The following TTLL9 variants were observed in gnomAD, a reference collection of about 807,000 sequenced individuals.
TTLL9 encodes probable tubulin polyglutamylase TTLL9.
In TTLL9, 47 loss-of-function variants were observed where a neutral mutation model predicts 65.6. That is an observed-to-expected ratio of 0.72 (90% CI 0.57 to 0.91). The LOEUF (loss-of-function observed/expected upper bound fraction) is 0.91, where lower values mean the gene tolerates loss of function less well. Ranked by LOEUF, TTLL9 falls within the 40% of genes least tolerant of loss-of-function variation. The pLI is 0.00. For missense variants in TTLL9, 537 were observed against 568.8 expected, an observed-to-expected ratio of 0.94 and a Z score of 0.57; for synonymous variants, 179 against 204.8, an observed-to-expected ratio of 0.87 and a Z score of 1.07.
rs1434770221 is a variant in TTLL9, at chr20:31,944,307, A to C, written c.*1286A>C. On this transcript the variant is annotated 3_prime_UTR_variant, in exon 15 of 15. Transcript: ENST00000535842. ...GCAATTTTCCAGTGATGAAATTGTG[A>C]ATCAGGCAGTCACACTGGACAACAT... is the stretch of plus-strand genomic sequence containing the variant. 6.2e-6 allele frequency: 1 copy of C among 160,266 alleles called. No individual in the cohort carries two copies. Among genetic ancestry groups the C allele is most frequent in the African/African-American group, 2.4e-5 (1 of 41,860 alleles). 9.9% of individuals were successfully genotyped at this position (160,266 alleles called of 1,614,324 possible).
intron 4 of TTLL9, among the ~76,000 whole-genome samples, chr20:31,902,557 A>G (rs1029067896): frequency 6.6e-6 from 1 of 152,026 alleles, no homozygotes; most frequent in African/African-American, 2.4e-5. Flanking sequence ...TCTGCTGTGT[A>G]GGAGTACCAC....
At chr20:31,888,111 C>T (rs533716418) in intron 3 of TTLL9, among the ~76,000 whole-genome samples, 10 of 152,100 alleles carry the variant, frequency 6.6e-5, no homozygotes, top group South Asian at 4.1e-4. Flanking sequence ...CTCGAACTCC[C>T]GACCTCAGGT....
At chr20:31,935,374 G>A (rs959935308) in intron 12 of TTLL9, among the ~76,000 whole-genome samples, 16 of 152,216 alleles carry the variant, frequency 1.1e-4, no homozygotes, top group Non-Finnish European at 2.1e-4. Context: ...GGCCTCACAT[G>A]ATGCAACAGG....
intron 14 of TTLL9, among the ~76,000 whole-genome samples, chr20:31,942,129 A>C (rs180922561): frequency 1.2e-4 from 19 of 152,248 alleles, no homozygotes; most frequent in African/African-American, 4.6e-4. Flanking sequence ...GGAAGCAGGG[A>C]CAGGGTTTGG....
intron 10 of TTLL9, among the ~76,000 whole-genome samples, chr20:31,930,625 TTCTTTAATTTTTGCATTGACA>T (rs1040823092): frequency 6.6e-6 from 1 of 152,232 alleles, no homozygotes; most frequent in Admixed American, 6.5e-5. Flanking sequence ...TGGTCACTGA[TTCTTTAATTTTTGCATTGACA>T]TCTGTTCATT....
At chr20:31,941,108 T>G (rs1453012079) in intron 14 of TTLL9, 2 of 151,230 alleles carry the variant, frequency 1.3e-5, no homozygotes, top group Non-Finnish European at 2.9e-5. Flanking sequence ...AGTCAGCTAC[T>G]CGGGAGGCTG....
chr20:31,925,086 G>T, intron 9 of TTLL9, 37 bp downstream of exon 9: 2 of 1,612,426 alleles, frequency 1.2e-6, no homozygotes, highest in Non-Finnish European at 1.7e-6. Context: ...TCCAGCAGGG[G>T]TTAAAGGGTG....
chr20:31,929,649 C>T (rs2063971263), intron 10 of TTLL9, among the ~76,000 whole-genome samples: 1 of 151,822 alleles, frequency 6.6e-6, no homozygotes, highest in Non-Finnish European at 1.5e-5. Flanking sequence ...GTTTTCTAAT[C>T]CCCCATGCTG....
chr20:31,884,312 G>A (rs890571137), intron 2 of TTLL9, among the ~76,000 whole-genome samples: 16 of 152,024 alleles, frequency 1.1e-4, no homozygotes, highest in African/African-American at 2.9e-4. Context: ...TGCAACCTCC[G>A]CCTCCTGGGT....
intron 2 of TTLL9, among the ~76,000 whole-genome samples, chr20:31,873,694 GAAAGAAAGAAAGAAA>G (rs1266229243): frequency 1.3e-5 from 1 of 76,270 alleles, no homozygotes; most frequent in Non-Finnish European, 2.6e-5. Flanking sequence ...GAGAAAGAAA[GAAAGAAAGAAAGAAA>G]GAAAGAAAGA....
intron 7 of TTLL9, among the ~76,000 whole-genome samples, chr20:31,922,606 G>A (rs1280857184): frequency 6.6e-6 from 1 of 152,204 alleles, no homozygotes; most frequent in Non-Finnish European, 1.5e-5. Context: ...TTTCATCCAT[G>A]TTGTAGCATG....
Position 31,926,117 on chromosome 20 carries a change from C to T in TTLL9, c.748+26C>T, listed in dbSNP as rs533393659. ...GTATGAGATAGGTCTGGTCCCTTCC[C>T]TCCGGGAGCTTCCAGTTTTGTGGGG... On this transcript the variant is annotated intron_variant, in intron 10 of 14. Transcript: ENST00000535842. 16 of 1,518,422 alleles carry T rather than the reference C, an allele frequency of 1.1e-5. No individual in the cohort carries two copies. In the East Asian group the frequency reaches 1.4e-4, roughly 13 times the overall value. 94.1% of individuals were successfully genotyped at this position (1,518,422 alleles called of 1,614,324 possible).
chr20:31,900,244 C>A (rs570366785), intron 4 of TTLL9, among the ~76,000 whole-genome samples: 1 of 152,290 alleles, frequency 6.6e-6, no homozygotes, highest in Admixed American at 6.5e-5. Context: ...TCTAACATTT[C>A]GCATGCATGA....
intron 12 of TTLL9, among the ~76,000 whole-genome samples, chr20:31,936,451 C>G (rs1172208617): frequency 6.6e-6 from 1 of 151,322 alleles, no homozygotes; most frequent in Non-Finnish European, 1.5e-5. Flanking sequence ...GCCTGAGTGA[C>G]AGAACTGGAT....
intron 2 of TTLL9, among the ~76,000 whole-genome samples, chr20:31,876,039 T>C (rs1190370375): frequency 6.6e-6 from 1 of 152,254 alleles, no homozygotes; most frequent in Non-Finnish European, 1.5e-5. Context: ...AATGGTAACC[T>C]TTAAAAAACA....
At chr20:31,919,742 G>A (rs2063787568) in intron 6 of TTLL9, 122 bp from the exon 7 acceptor site, 2 of 714,912 alleles carry the variant, frequency 2.8e-6, no homozygotes, top group Non-Finnish European at 4.3e-6. Context: ...CCTTCCTCTG[G>A]GGAGAGTTGG....
At chr20:31,907,495 G>A (rs974429709) in intron 4 of TTLL9, among the ~76,000 whole-genome samples, 8 of 152,202 alleles carry the variant, frequency 5.3e-5, no homozygotes, top group African/African-American at 1.7e-4. Flanking sequence ...GCCGAGGTAG[G>A]TGGATCACCT....
Position 31,870,985 on chromosome 20 carries a change from T to G in TTLL9, c.-6+36T>G. On this transcript the variant is annotated intron_variant, in intron 1 of 14. Transcript: ENST00000535842. This position sits in a 1 kb window ranked among gnomAD's most constrained non-coding sequence, Gnocchi z 6.6. ...CCTTCCGATACATCCTCTCCACCCG[T>G]GCAGAGACACCCTACCAACCAGCCT... 1.3e-6 allele frequency: 1 copy of G among 797,660 alleles called. No homozygotes were observed. Among genetic ancestry groups the G allele is most frequent in the Non-Finnish European group, 2.2e-6 (1 of 451,594 alleles). 49.4% of individuals were successfully genotyped at this position (797,660 alleles called of 1,614,324 possible).
At chr20:31,875,730 A>C (rs2063029538) in intron 2 of TTLL9, among the ~76,000 whole-genome samples, 2 of 152,230 alleles carry the variant, frequency 1.3e-5, no homozygotes, top group South Asian at 4.1e-4. Context: ...AAAAAATCTT[A>C]AATCCAGGTA....
Sources: gnomAD v4.1 joint callset for allele counts (sites outside exome capture counted in the v4.1 genomes callset) on GRCh38, gnomAD v4.1.1 for gene constraint, Gnocchi (gnomAD v3.1) non-coding constraint, MANE v1.5 for transcripts, NCBI Gene and HGNC (gene_info 2026-07-23, HGNC 2026-07-21) for gene names.